SSBP3: variants seen among roughly 807,000 people sequenced by gnomAD.
SSBP3 encodes the protein single-stranded DNA-binding protein 3.
SSBP3 carries 5 observed loss-of-function variants against 69.6 expected under a neutral mutation model. The ratio of observed to expected loss-of-function variants is 0.07; its 90% confidence interval spans 0.04 to 0.15. SSBP3 has a LOEUF of 0.15. Ranked by LOEUF, SSBP3 falls within the 10% of genes least tolerant of loss-of-function variation. The pLI, the probability that SSBP3 is intolerant of heterozygous loss-of-function variation, is 1.00. For synonymous variants in SSBP3, 196 were observed against 193.4 expected (o/e 1.01, Z -0.11); for missense variants, 312 against 534.0 (o/e 0.58, Z 4.10).
chr1:54,263,396 C>T (rs774666879), intron 5 of SSBP3, among the ~76,000 whole-genome samples: 73 of 152,286 alleles, frequency 4.8e-4, no homozygotes, highest in Admixed American at 9.2e-4. Flanking sequence ...CCAGCTCCTC[C>T]GGTTCATTCG....
At chr1:54,384,315 G>A (rs997386405) in intron 4 of SSBP3, among the ~76,000 whole-genome samples, 2 of 152,196 alleles carry the variant, frequency 1.3e-5, no homozygotes, top group African/African-American at 2.4e-5. Context: ...GCCAGGGCTC[G>A]AACTGAGCAG....
chr1:54,240,077 T>C (rs1327514016), intron 13 of SSBP3, among the ~76,000 whole-genome samples: 103 of 22,014 alleles, frequency 4.7e-3, no homozygotes, highest in Admixed American at 0.011. Flanking sequence ...TGTGTGTGTG[T>C]GTGTGTGTGT....
At position 54,360,321 on chromosome 1, in the gene SSBP3, T is replaced by C. The variant is rs189645517; in HGVS notation, c.276+41540A>G. 3.0e-3 allele frequency among the ~76,000 whole-genome samples: 456 copies of C among 152,356 alleles called. 3 individuals carry two copies. Among genetic ancestry groups the C allele is most frequent in the African/African-American group, 0.01 (429 of 41,592 alleles). ...CACTTGAGCTCCCCGAAGATCAGAA[T>C]GTTTGTCTTTTGTTCATTGCTTTAT... On this transcript the variant is annotated intron_variant, in intron 4 of 17. Transcript: ENST00000610401.
At chr1:54,248,194 C>G (rs750543803) in intron 9 of SSBP3, among the ~76,000 whole-genome samples, 53 of 152,234 alleles carry the variant, frequency 3.5e-4, no homozygotes, top group Admixed American at 8.5e-4. Flanking sequence ...CCGATGGTCT[C>G]CCACCTTTGA....
At chr1:54,276,419 T>A (rs1469867260) in intron 5 of SSBP3, among the ~76,000 whole-genome samples, 1 of 151,734 alleles carries the variant, frequency 6.6e-6, no homozygotes, top group Non-Finnish European at 1.5e-5. Flanking sequence ...GAGACCGGCC[T>A]GGCCAGCATG....
At chr1:54,282,993 G>A (rs1276407720) in intron 4 of SSBP3, among the ~76,000 whole-genome samples, 2 of 152,170 alleles carry the variant, frequency 1.3e-5, no homozygotes, top group Non-Finnish European at 2.9e-5. Flanking sequence ...GAGGCTGGGC[G>A]TGGTGGCTCA....
At chr1:54,386,884 G>A (rs544130186) in intron 4 of SSBP3, among the ~76,000 whole-genome samples, 1 of 151,262 alleles carries the variant, frequency 6.6e-6, no homozygotes, top group Admixed American at 6.6e-5. Flanking sequence ...CAAGCAAGAG[G>A]CCTCTCTCCT....
intron 4 of SSBP3, among the ~76,000 whole-genome samples, chr1:54,295,070 G>A (rs942943734): frequency 7.2e-5 from 11 of 152,072 alleles, no homozygotes; most frequent in Admixed American, 1.3e-4. Flanking sequence ...GAGCTCATGC[G>A]GGAGGAATCC....
chr1:54,390,505 G>C (rs765049848), intron 4 of SSBP3, among the ~76,000 whole-genome samples: 1 of 152,034 alleles, frequency 6.6e-6, no homozygotes, highest in African/African-American at 2.4e-5. Flanking sequence ...GGTCAGAATC[G>C]ACTGAAGCAC....
At chr1:54,259,625 G>A (rs1205319712) in intron 5 of SSBP3, among the ~76,000 whole-genome samples, 4 of 152,264 alleles carry the variant, frequency 2.6e-5, no homozygotes, top group African/African-American at 9.6e-5. Flanking sequence ...GAGCTGCCTA[G>A]GTAGGGTTTC....
intron 4 of SSBP3, among the ~76,000 whole-genome samples, chr1:54,367,062 A>C (rs1037144650): frequency 1.8e-4 from 28 of 152,200 alleles, no homozygotes; most frequent in African/African-American, 6.3e-4. Context: ...GCATGCAAAG[A>C]TCTGATACAG....
At chr1:54,328,037 T>G (rs553376335) in intron 4 of SSBP3, among the ~76,000 whole-genome samples, 23 of 152,222 alleles carry the variant, frequency 1.5e-4, no homozygotes, top group Admixed American at 1.1e-3. Flanking sequence ...CTCAAAATGG[T>G]TGATAGGGAA....
chr1:54,274,349 G>C (rs1411382335), intron 5 of SSBP3, among the ~76,000 whole-genome samples: 1 of 152,016 alleles, frequency 6.6e-6, no homozygotes, highest in Non-Finnish European at 1.5e-5. Flanking sequence ...ATCACAGCAG[G>C]GAACAGCTTT....
At chr1:54,295,914 C>T (rs1421612657) in intron 4 of SSBP3, among the ~76,000 whole-genome samples, 1 of 152,200 alleles carries the variant, frequency 6.6e-6, no homozygotes, top group African/African-American at 2.4e-5. Flanking sequence ...TGAGACTCTA[C>T]CTTGACTCTT....
At chr1:54,239,286 G>A (rs1340042605) in intron 13 of SSBP3, 87 bp from the exon 14 acceptor site, 2 of 1,082,212 alleles carry the variant, frequency 1.8e-6, no homozygotes. Context: ...TCATTCTTTT[G>A]TATTTTATAA....
chr1:54,242,276 C>T, intron 10 of SSBP3, 64 bp from the exon 11 acceptor site: 1 of 1,584,886 alleles, frequency 6.3e-7, no homozygotes, highest in Non-Finnish European at 8.7e-7. Flanking sequence ...GCGGTGGAGG[C>T]AGCAGGGGCA....
At chr1:54,279,157 G>C (rs1316744269) in intron 5 of SSBP3, among the ~76,000 whole-genome samples, 1 of 152,172 alleles carries the variant, frequency 6.6e-6, no homozygotes, top group Non-Finnish European at 1.5e-5. Context: ...CCAAGACATT[G>C]CTCTCTGCTG....
At chr1:54,346,907 T>C (rs1283999586) in intron 4 of SSBP3, among the ~76,000 whole-genome samples, 1 of 151,808 alleles carries the variant, frequency 6.6e-6, no homozygotes, top group South Asian at 2.1e-4. Context: ...ACCTCACAGA[T>C]ACCAAAATCC....
exon 18 of SSBP3, chr1:54,225,720 C>T (rs1053405995): frequency 1.8e-5 from 3 of 171,050 alleles, no homozygotes; most frequent in Non-Finnish European, 3.7e-5. Context: ...ACAAAGAATT[C>T]GGGTGTCTTC....
Sources: gnomAD v4.1 joint callset for allele counts (sites outside exome capture counted in the v4.1 genomes callset) on GRCh38, gnomAD v4.1.1 for gene constraint, MANE v1.5 for transcripts, NCBI Gene and HGNC (gene_info 2026-07-23, HGNC 2026-07-21) for gene names.